PAPSS1: variants seen among roughly 807,000 people sequenced by gnomAD.
PAPSS1 encodes 3'-phosphoadenosine 5'-phosphosulfate synthase 1, also known as bifunctional 3'-phosphoadenosine 5'-phosphosulfate synthase 1.
Under a neutral mutation model 72.0 loss-of-function variants are expected in PAPSS1, and 50 were observed. The ratio of observed to expected loss-of-function variants is 0.69; its 90% CI spans 0.55 to 0.88. The LOEUF is 0.88. Among genes scored for constraint, PAPSS1 ranks in the 40% least tolerant of loss-of-function variants. PAPSS1 has a pLI of 0.00. For missense variants in PAPSS1, 657 were observed against 782.2 expected, an observed-to-expected ratio of 0.84 and a Z score of 1.91; for synonymous variants, 261 against 263.6, an observed-to-expected ratio of 0.99 and a Z score of 0.09.
chr4:107,638,502 C>A (rs1223582267), intron 10 of PAPSS1, among the ~76,000 whole-genome samples: 1 of 152,072 alleles, frequency 6.6e-6, no homozygotes, highest in East Asian at 1.9e-4. Context: ...GTGACCTTGC[C>A]CTGGCTGACC....
At chr4:107,652,687 T>C (rs758619918) in intron 9 of PAPSS1, among the ~76,000 whole-genome samples, 8 of 152,178 alleles carry the variant, frequency 5.3e-5, no homozygotes, top group Non-Finnish European at 1.0e-4. Context: ...GTTCCATTAT[T>C]TGCTGCGATA....
Position 107,693,800 on chromosome 4 carries a change from T to G in PAPSS1, c.382A>C (p.Ile128Leu). The change falls in exon 3 of 12, where the codon ATC (isoleucine) becomes CTC (leucine). Residue 128 changes from isoleucine to leucine, a missense_variant. Ile to Leu is a conservative substitution (Grantham distance 5). Transcript: ENST00000265174. ...GTGTAAGGTGATATGAAACTTGTGA[T>G]GCACACTAAGCCAGCATCTGCAAAC... ...KLFADAGLVC[I>L]TSFISPYTQD... 6.2e-7 allele frequency: 1 copy of G among 1,613,736 alleles called. No individual in the cohort carries two copies. Among genetic ancestry groups the G allele is most frequent in the Non-Finnish European group, 8.5e-7 (1 of 1,179,730 alleles).
chr4:107,655,504 G>A (rs755243557), intron 7 of PAPSS1, among the ~76,000 whole-genome samples: 6 of 152,112 alleles, frequency 3.9e-5, no homozygotes, highest in Non-Finnish European at 7.4e-5. Flanking sequence ...AAACCAAAAT[G>A]TGTTGTCAGT....
chr4:107,669,044 C>T (rs909954203), intron 5 of PAPSS1, among the ~76,000 whole-genome samples: 2 of 152,186 alleles, frequency 1.3e-5, no homozygotes, highest in African/African-American at 4.8e-5. Flanking sequence ...CTTCACCTCC[C>T]AATCTATATT....
At chr4:107,631,606 T>G (rs771568081) in intron 11 of PAPSS1, 25 bp downstream of exon 11, 16 of 1,533,202 alleles carry the variant, frequency 1.0e-5, no homozygotes, top group Non-Finnish European at 1.4e-5. Flanking sequence ...ACTTCAAAGA[T>G]TTGTACAGAG....
intron 6 of PAPSS1, among the ~76,000 whole-genome samples, chr4:107,658,180 G>C (rs1403718089): frequency 1.3e-5 from 2 of 148,680 alleles, no homozygotes; most frequent in Non-Finnish European, 3.0e-5. Flanking sequence ...CAATAAATAA[G>C]AAGAGCCTTG....
At chr4:107,626,578 T>C (rs1271150675) in intron 11 of PAPSS1, among the ~76,000 whole-genome samples, 1 of 152,254 alleles carries the variant, frequency 6.6e-6, no homozygotes, top group Non-Finnish European at 1.5e-5. Flanking sequence ...ATTTTTATCA[T>C]AATTCTTATC....
intron 11 of PAPSS1, among the ~76,000 whole-genome samples, chr4:107,621,910 G>A (rs1056352392): frequency 2.0e-5 from 3 of 151,926 alleles, no homozygotes; most frequent in Admixed American, 1.3e-4. Context: ...TTATAGGCGT[G>A]AGCCACCGCG....
At chr4:107,676,752 G>T (rs1452288574) in intron 5 of PAPSS1, among the ~76,000 whole-genome samples, 3 of 152,264 alleles carry the variant, frequency 2.0e-5, no homozygotes, top group South Asian at 4.1e-4. Context: ...AAAGAACAAA[G>T]CTGGAGGCAT....
At chr4:107,668,658 G>A (rs150667315) in intron 5 of PAPSS1, among the ~76,000 whole-genome samples, 60 of 152,110 alleles carry the variant, frequency 3.9e-4, no homozygotes, top group African/African-American at 1.4e-3. Context: ...TCCTGCCCTC[G>A]AACATCAGAC....
Position 107,657,017 on chromosome 4 carries a change from T to A in PAPSS1, c.784-10A>T. 3.7e-6 allele frequency: 6 copies of A among 1,602,068 alleles called. No individual in the cohort carries two copies. The highest frequency in any genetic ancestry group is 5.1e-6 in the Non-Finnish European group (6 of 1,169,382). Reference sequence around the variant, plus strand: ...CCCACTGCATATCCACCTAGTAAATTTGAAAGTAAAGCAAAATTTTCTATT... The same window carrying A: ...CCCACTGCATATCCACCTAGTAAATATGAAAGTAAAGCAAAATTTTCTATT... On this transcript the variant is annotated splice_polypyrimidine_tract_variant and intron_variant, in intron 6 of 11. Transcript: ENST00000265174.
chr4:107,676,766 A>C (rs1178539480), intron 5 of PAPSS1, among the ~76,000 whole-genome samples: 2 of 152,252 alleles, frequency 1.3e-5, no homozygotes, highest in Non-Finnish European at 2.9e-5. Flanking sequence ...GAGGCATCAC[A>C]CTACCTGACT....
chr4:107,719,372 C>A (rs1723717401), intron 1 of PAPSS1, among the ~76,000 whole-genome samples: 1 of 152,114 alleles, frequency 6.6e-6, no homozygotes, highest in South Asian at 2.1e-4. Flanking sequence ...TCTTTCTCAT[C>A]ACAGAGAAAT....
chr4:107,661,811 A>G (rs76351479), intron 5 of PAPSS1, among the ~76,000 whole-genome samples: 3 of 152,164 alleles, frequency 2.0e-5, no homozygotes, highest in Non-Finnish European at 2.9e-5. Context: ...TGTTCAGTAG[A>G]AAAAAAAGGC....
At chr4:107,675,277 T>C (rs1174723937) in intron 5 of PAPSS1, among the ~76,000 whole-genome samples, 5 of 152,098 alleles carry the variant, frequency 3.3e-5, no homozygotes, top group Non-Finnish European at 5.9e-5. Context: ...ACAAAATTGA[T>C]AGACCACTAA....
chr4:107,671,513 A>T (rs1324481672), intron 5 of PAPSS1, among the ~76,000 whole-genome samples: 4 of 152,200 alleles, frequency 2.6e-5, no homozygotes, highest in African/African-American at 9.6e-5. Context: ...AATAAGCCCC[A>T]TAAAATTATA....
chr4:107,686,989 GA>G, intron 4 of PAPSS1, 49 bp downstream of exon 4: 2 of 1,506,350 alleles, frequency 1.3e-6, no homozygotes, highest in Non-Finnish European at 1.8e-6. Flanking sequence ...CTAGATATGG[GA>G]ACATAAAATA....
At chr4:107,692,655 A>AAGTC (rs1722960159) in intron 3 of PAPSS1, among the ~76,000 whole-genome samples, 1 of 152,174 alleles carries the variant, frequency 6.6e-6, no homozygotes, top group Non-Finnish European at 1.5e-5. Flanking sequence ...AAATGAGTAT[A>AAGTC]AGTCACTCTA....
intron 11 of PAPSS1, among the ~76,000 whole-genome samples, chr4:107,618,237 T>C (rs1725872638): frequency 6.6e-6 from 1 of 152,132 alleles, no homozygotes; most frequent in South Asian, 2.1e-4. Flanking sequence ...CTTAGGAAGA[T>C]GACCACAGTA....
Sources: gnomAD v4.1 joint callset for allele counts (sites outside exome capture counted in the v4.1 genomes callset) on GRCh38, gnomAD v4.1.1 for gene constraint, MANE v1.5 for transcripts, NCBI Gene and HGNC (gene_info 2026-07-23, HGNC 2026-07-21) for gene names.